The following ZNF71 variants were observed in gnomAD, a reference collection of about 807,000 sequenced individuals.
ZNF71 encodes the protein zinc finger protein 71.
In ZNF71, 3 loss-of-function variants were observed where a neutral mutation model predicts 6.7. The ratio of observed to expected loss-of-function variants is 0.45; its 90% CI spans 0.20 to 1.16. ZNF71 has a LOEUF of 1.16. Ranked by LOEUF, ZNF71 falls within the 50% of genes most tolerant of loss-of-function variation. The probability of loss-of-function intolerance (pLI) is 0.25; values close to 1 mark genes in which losing one functional copy is unlikely to be tolerated. For synonymous variants in ZNF71, 343 were observed against 311.1 expected (o/e 1.10, Z -1.08); for missense variants, 688 against 728.6 (o/e 0.94, Z 0.64).
chr19:56,599,683 T>G (rs2044652039), intron 1 of ZNF71, among the ~76,000 whole-genome samples: 1 of 150,366 alleles, frequency 6.7e-6, no homozygotes, highest in African/African-American at 2.5e-5. Context: ...TCTGATTACA[T>G]TTTTAGTGTT....
At chr19:56,600,689 TC>T (rs2044664061) in intron 1 of ZNF71, among the ~76,000 whole-genome samples, 1 of 152,186 alleles carries the variant, frequency 6.6e-6, no homozygotes, top group African/African-American at 2.4e-5. Flanking sequence ...CATAATGACC[TC>T]CAGTTTTATC....
chr19:56,605,328 C>T (rs1166787044), intron 2 of ZNF71, among the ~76,000 whole-genome samples: 1 of 152,086 alleles, frequency 6.6e-6, no homozygotes, highest in Non-Finnish European at 1.5e-5. Context: ...TGAGGAAGCC[C>T]AAGCAGCCAC....
intron 3 of ZNF71, among the ~76,000 whole-genome samples, chr19:56,620,712 AT>A (rs1477417784): frequency 6.6e-6 from 1 of 151,976 alleles, no homozygotes; most frequent in Non-Finnish European, 1.5e-5. Flanking sequence ...TTAAAAAAAA[AT>A]TTAGTAGAGG....
intron 3 of ZNF71, 97 bp from the exon 4 acceptor site, chr19:56,621,171 G>T: frequency 8.0e-7 from 1 of 1,256,562 alleles, no homozygotes; most frequent in Non-Finnish European, 1.1e-6. Context: ...GGGCCTCATT[G>T]GGGTCGGTTT....
At position 56,604,709 on chromosome 19, in the gene ZNF71, A is replaced by G. The variant is rs143413642; in HGVS notation, c.33+3118A>G. Among the ~76,000 whole-genome samples the G allele has an allele frequency of 5.8e-4, 89 of 152,270 alleles. 1 individual carries two copies. The highest frequency in any genetic ancestry group is 2.0e-3 in the African/African-American group (84 of 41,570). Reference sequence around the variant, plus strand: ...TGAACCACCAGCCCAACTGCTTTCTATCAAAGGTGACCCCTCAGGCAGAGG... The same window carrying G: ...TGAACCACCAGCCCAACTGCTTTCTGTCAAAGGTGACCCCTCAGGCAGAGG... On this transcript the variant is annotated intron_variant, in intron 2 of 3. Transcript: ENST00000599599.
intron 1 of ZNF71, among the ~76,000 whole-genome samples, chr19:56,597,770 T>C (rs1418703066): frequency 6.6e-6 from 1 of 152,228 alleles, no homozygotes; most frequent in Non-Finnish European, 1.5e-5. Context: ...TATCTTTTTT[T>C]CCTATATGTA....
chr19:56,606,713 G>C (rs987863619), intron 2 of ZNF71, among the ~76,000 whole-genome samples: 7 of 151,952 alleles, frequency 4.6e-5, no homozygotes, highest in African/African-American at 1.7e-4. Context: ...TGGCTGCTTG[G>C]GCTTCCTCAC....
At position 56,613,616 on chromosome 19, in the gene ZNF71, T is replaced by C. The variant is rs983198825; in HGVS notation, c.34-196T>C. Among the ~76,000 whole-genome samples the C allele has an allele frequency of 1.2e-4, 19 of 152,200 alleles. No homozygotes were observed. The highest frequency in any genetic ancestry group is 2.4e-4 in the Non-Finnish European group (16 of 68,034). ...GAATGTTTCATATGGGATTTATTTC[T>C]CTATCAGAGTGCCAACCCAATATAA... On this transcript the variant is annotated intron_variant, in intron 2 of 3. Transcript: ENST00000599599. This position sits in a 1 kb window ranked among gnomAD's most constrained non-coding sequence, Gnocchi z 4.6.
chr19:56,622,797 G>C lies in ZNF71; in HGVS notation c.*40G>C. On this transcript the variant is annotated 3_prime_UTR_variant, in exon 4 of 4. Transcript: ENST00000599599. ...GGCTCTCACTGGCGGTGCCCAGGACGGACGCCAGATGGCTGCGCGCTTTGT... is the reference window on the plus strand; with the variant it reads ...GGCTCTCACTGGCGGTGCCCAGGACCGACGCCAGATGGCTGCGCGCTTTGT... The C allele has an allele frequency of 6.4e-7, 1 of 1,552,916 alleles. No individual in the cohort carries two copies. Among genetic ancestry groups the C allele is most frequent in the Non-Finnish European group, 8.7e-7 (1 of 1,147,888 alleles).
Position 56,603,824 on chromosome 19 carries a change from A to T in ZNF71, c.33+2233A>T, listed in dbSNP as rs2044689297. ...ATTACTACTAGTGTAATTACATTCA[A>T]TTTTTAAAAAAAATTGAGCCTGTCT... On this transcript the variant is annotated intron_variant, in intron 2 of 3. Transcript: ENST00000599599. This position sits in a 1 kb window ranked among gnomAD's most constrained non-coding sequence, Gnocchi z 4.6. Among the ~76,000 whole-genome samples the T allele has an allele frequency of 6.9e-6, 1 of 145,550 alleles. No individual in the cohort carries two copies. Among genetic ancestry groups the T allele is most frequent in the African/African-American group, 2.6e-5 (1 of 38,916 alleles).
At chr19:56,612,659 A>G (rs942072500) in intron 2 of ZNF71, among the ~76,000 whole-genome samples, 1 of 152,112 alleles carries the variant, frequency 6.6e-6, no homozygotes, top group Admixed American at 6.5e-5. Flanking sequence ...GGGGTGAAAA[A>G]CTACATATTG....
intron 2 of ZNF71, 143 bp downstream of exon 2, chr19:56,601,734 G>C: frequency 1.4e-5 from 7 of 488,538 alleles, no homozygotes; most frequent in Non-Finnish European, 1.9e-5. Context: ...TGTGCTTATA[G>C]ATGATGCTGA....
Position 56,621,444 on chromosome 19 carries a change from G to A in ZNF71, c.337G>A (p.Gly113Ser). Residue 113 changes from glycine (G) to serine (S), a missense_variant, in exon 4 of 4, where the codon GGT becomes AGT. Gly to Ser is a moderately conservative substitution (Grantham distance 56). Transcript: ENST00000599599. ...GCCAGAGAGGCCGCGGGGAGATGCA[G>A]GTGCAGAGTGGGAGCCATTGGGAAT... ...SWPERPRGDA[G>S]AEWEPLGIPQ... The A allele has an allele frequency of 6.2e-7, 1 of 1,614,004 alleles. No individual in the cohort carries two copies. Among genetic ancestry groups the A allele is most frequent in the East Asian group, 2.2e-5 (1 of 44,862 alleles).
intron 3 of ZNF71, 100 bp from the exon 4 acceptor site, chr19:56,621,165 CTCA>C: frequency 8.3e-7 from 1 of 1,198,192 alleles, no homozygotes; most frequent in South Asian, 1.7e-5. Flanking sequence ...TGCCTTGGGC[CTCA>C]TTGGGGTCGG....
rs200131241 is a variant in ZNF71 at position 56,617,107 on chromosome 19, C to CTTTTT, written c.160+3173_160+3174insTTTTT. Among the ~76,000 whole-genome samples, 102 of 117,058 alleles carry CTTTTT rather than the reference C, an allele frequency of 8.7e-4. 1 individual carries two copies. The highest frequency in any genetic ancestry group is 4.3e-3 in the East Asian group (13 of 3,030). 76.8% of individuals were successfully genotyped at this position (117,058 alleles called of 152,430 possible). ...TAAGATTACAGGAGACTTCCATTTT[C>CTTTTT]TTTTGTTTTTTTTTGTTTTTTTTGA... On this transcript the variant is annotated intron_variant, in intron 3 of 3. Transcript: ENST00000599599.
chr19:56,614,177 G>A (rs553530299), intron 3 of ZNF71, among the ~76,000 whole-genome samples: 4 of 152,234 alleles, frequency 2.6e-5, no homozygotes, highest in Admixed American at 6.5e-5. Context: ...AAGACTAAGC[G>A]AATAATAGAA....
intron 1 of ZNF71, 47 bp from the exon 2 acceptor site, chr19:56,601,460 C>A: frequency 1.2e-6 from 1 of 853,846 alleles, no homozygotes; most frequent in Non-Finnish European, 1.4e-6. Flanking sequence ...GTGAGGCCAG[C>A]CTAGGCCTGG....
chr19:56,619,571 G>A (rs2044826947), intron 3 of ZNF71, among the ~76,000 whole-genome samples: 1 of 152,160 alleles, frequency 6.6e-6, no homozygotes, highest in Non-Finnish European at 1.5e-5. Flanking sequence ...TGAACAGTTT[G>A]GACATAGCCC....
intron 3 of ZNF71, among the ~76,000 whole-genome samples, chr19:56,614,222 T>C (rs894740739): frequency 1.1e-4 from 17 of 152,172 alleles, no homozygotes; most frequent in African/African-American, 3.6e-4. Flanking sequence ...TTCATAGATT[T>C]AGAAATACAC....
Sources: gnomAD v4.1 joint callset for allele counts (sites outside exome capture counted in the v4.1 genomes callset) on GRCh38, gnomAD v4.1.1 for gene constraint, Gnocchi (gnomAD v3.1) non-coding constraint, MANE v1.5 for transcripts, NCBI Gene and HGNC (gene_info 2026-07-23, HGNC 2026-07-21) for gene names.